Variants in SPECC1 observed in about 807,000 individuals in gnomAD.
The protein encoded by SPECC1 is cytospin-B.
A neutral mutation model predicts 104.1 loss-of-function variants in SPECC1; 62 were observed. The observed-to-expected ratio is 0.60, with a 90% CI of 0.49 to 0.74. The LOEUF is 0.74. Among genes scored for constraint, SPECC1 ranks in the 30% least tolerant of loss-of-function variants. The pLI, the probability that SPECC1 is intolerant of heterozygous loss-of-function variation, is 0.00. For missense variants in SPECC1, 1,306 were observed against 1,310.5 expected, an observed-to-expected ratio of 1.00 and a Z score of 0.05; for synonymous variants, 513 against 501.6, an observed-to-expected ratio of 1.02 and a Z score of -0.30.
At chr17:20,150,394 C>T (rs1310240764) in intron 3 of SPECC1, among the ~76,000 whole-genome samples, 1 of 151,302 alleles carries the variant, frequency 6.6e-6, no homozygotes, top group African/African-American at 2.4e-5. Flanking sequence ...CATCCCTGCA[C>T]TTTGGGAGGC....
chr17:20,210,311 C>G (rs568622251), intron 4 of SPECC1, among the ~76,000 whole-genome samples: 25 of 152,214 alleles, frequency 1.6e-4, no homozygotes, highest in Admixed American at 3.3e-4. Context: ...GGGACACTCC[C>G]TCCACCCCGG....
At chr17:20,289,490 A>T (rs2041084355) in intron 12 of SPECC1, among the ~76,000 whole-genome samples, 1 of 152,112 alleles carries the variant, frequency 6.6e-6, no homozygotes, top group African/African-American at 2.4e-5. Flanking sequence ...TTTAGTAGAG[A>T]TGGGGTTTCA....
At chr17:20,178,620 G>A (rs1049454251) in intron 3 of SPECC1, among the ~76,000 whole-genome samples, 3 of 152,164 alleles carry the variant, frequency 2.0e-5, no homozygotes, top group African/African-American at 7.2e-5. Flanking sequence ...AATACAAAGG[G>A]TAACAGACTG....
intron 1 of SPECC1, among the ~76,000 whole-genome samples, chr17:20,074,914 T>C (rs2046697073): frequency 6.6e-6 from 1 of 152,202 alleles, no homozygotes; most frequent in South Asian, 2.1e-4. Context: ...TATGTTATTT[T>C]TTTTTTAGAC....
intron 3 of SPECC1, among the ~76,000 whole-genome samples, chr17:20,197,934 T>TC (rs1297108697): frequency 6.6e-6 from 1 of 152,120 alleles, no homozygotes; most frequent in Non-Finnish European, 1.5e-5. Flanking sequence ...TACTGATTTT[T>TC]CCCCCCATTC....
At chr17:20,011,999 T>C (rs548798240) in intron 1 of SPECC1, among the ~76,000 whole-genome samples, 1 of 152,350 alleles carries the variant, frequency 6.6e-6, no homozygotes, top group South Asian at 2.1e-4. Flanking sequence ...TTTCTGTTTT[T>C]GTAATATCTG....
At chr17:20,066,853 C>T (rs1199461069) in intron 1 of SPECC1, among the ~76,000 whole-genome samples, 1 of 151,712 alleles carries the variant, frequency 6.6e-6, no homozygotes, top group Non-Finnish European at 1.5e-5. Flanking sequence ...GTTCTCCCAT[C>T]TCAGCCTCCC....
At chr17:20,300,320 T>G (rs1355599588) in intron 13 of SPECC1, among the ~76,000 whole-genome samples, 1 of 152,180 alleles carries the variant, frequency 6.6e-6, no homozygotes, top group Non-Finnish European at 1.5e-5. Context: ...GGGTCACAGG[T>G]GTCATCTATG....
chr17:20,088,004 G>A (rs2047243265), intron 1 of SPECC1, among the ~76,000 whole-genome samples: 1 of 152,178 alleles, frequency 6.6e-6, no homozygotes, highest in Non-Finnish European at 1.5e-5. Context: ...CAGGGTCAGA[G>A]CTCTTCCTTG....
intron 1 of SPECC1, among the ~76,000 whole-genome samples, chr17:20,059,606 C>T (rs1337924254): frequency 1.3e-5 from 2 of 152,184 alleles, no homozygotes; most frequent in Non-Finnish European, 1.5e-5. Context: ...TCTGGTCCTC[C>T]TTCACTTTAG....
chr17:20,018,427 G>A (rs919763257), intron 1 of SPECC1, among the ~76,000 whole-genome samples: 40 of 152,318 alleles, frequency 2.6e-4, no homozygotes, highest in African/African-American at 9.1e-4. Flanking sequence ...GTCTTGCTCT[G>A]TCTCCCAGGT....
chr17:20,207,153 G>C (rs1378451817), intron 4 of SPECC1, among the ~76,000 whole-genome samples: 3 of 152,108 alleles, frequency 2.0e-5, no homozygotes, highest in Non-Finnish European at 4.4e-5. Flanking sequence ...TCCTACCTTA[G>C]TTTAGGGGTT....
In SPECC1 at chr17:20,247,309, C is replaced by T; in HGVS notation, c.2588C>T (p.Ser863Phe). 6.2e-7 allele frequency: 1 copy of T among 1,612,920 alleles called. No homozygotes were observed. The highest frequency in any genetic ancestry group is 2.2e-5 in the East Asian group (1 of 44,870). Residue 863 changes from serine to phenylalanine, a missense_variant, in exon 9 of 15, where the codon TCT (serine) becomes TTT (phenylalanine). Physicochemically the swap from Ser to Phe is radical, Grantham distance 155 (BLOSUM62 -2). Around this residue, in one of 2 missense-constraint regions of SPECC1, gnomAD observed 1,177 missense variants for 1,139.9 expected, o/e 1.03. Coordinates refer to ENST00000395527, the MANE Select transcript of SPECC1 (RefSeq NM_001243439.2). ...PVRTAPAAAV[S>F]PMQRHSTYSS... ...AGGACTGCTCCAGCAGCTGCTGTCT[C>T]TCCAATGCAGGTAGATGAGCCCCAG...
At chr17:20,289,142 G>A (rs2041068529) in intron 12 of SPECC1, among the ~76,000 whole-genome samples, 1 of 152,060 alleles carries the variant, frequency 6.6e-6, no homozygotes, top group African/African-American at 2.4e-5. Flanking sequence ...AGCAAAAGTG[G>A]AAACCCCTGA....
intron 3 of SPECC1, among the ~76,000 whole-genome samples, chr17:20,123,021 C>A (rs998857853): frequency 6.6e-6 from 1 of 152,090 alleles, no homozygotes; most frequent in African/African-American, 2.4e-5. Flanking sequence ...CTGGATTCTC[C>A]TGATGGATTG....
At chr17:20,090,090 A>G (rs1252244089) in intron 1 of SPECC1, among the ~76,000 whole-genome samples, 11 of 152,190 alleles carry the variant, frequency 7.2e-5, no homozygotes, top group Non-Finnish European at 1.5e-4. Flanking sequence ...TCTGGAGCGG[A>G]GAGACTTGAG....
At chr17:20,296,550 C>A (rs1278894703) in intron 12 of SPECC1, among the ~76,000 whole-genome samples, 4 of 152,144 alleles carry the variant, frequency 2.6e-5, no homozygotes, top group Non-Finnish European at 4.4e-5. Context: ...TTTTCCAATT[C>A]TGTGAAGAAA....
intron 2 of SPECC1, among the ~76,000 whole-genome samples, chr17:20,107,036 A>G (rs2048236622): frequency 6.7e-6 from 1 of 149,558 alleles, no homozygotes; most frequent in Admixed American, 6.7e-5. Flanking sequence ...ACACGCCTGT[A>G]GCCCCAACTA....
chr17:20,204,890 CAA>C lies in SPECC1; in HGVS notation c.842_843del (p.Gln281ArgfsTer15). Reference protein sequence around the residue: ...GDSSCPTSITQESSFGSPTGN... With the variant: ...GDSSCPTSITXESSFGSPTGN... ...CAGCAGCTGCCCAACATCCATAACT[CAA>C]GAGTCAAGCTTCGGAAGCCCAACTG... On this transcript the variant is annotated frameshift_variant, in exon 4 of 15. Transcript: ENST00000395527. LOFTEE classifies it high-confidence loss of function. 6 of 1,614,014 alleles carry C rather than the reference CAA, an allele frequency of 3.7e-6. No individual in the cohort carries two copies. The highest frequency in any genetic ancestry group is 1.3e-5 in the African/African-American group (1 of 74,988).
Sources: gnomAD v4.1 joint callset for allele counts (sites outside exome capture counted in the v4.1 genomes callset) on GRCh38, gnomAD v4.1.1 for gene constraint, gnomAD v4.1.1 regional missense constraint, MANE v1.5 for transcripts, NCBI Gene and HGNC (gene_info 2026-07-23, HGNC 2026-07-21) for gene names.